RRP15: variants seen among roughly 807,000 people sequenced by gnomAD.
RRP15 encodes the protein RRP15-like protein.
A neutral mutation model predicts 27.1 loss-of-function variants in RRP15; 18 were observed. The observed-to-expected ratio is 0.66, with a 90% CI of 0.46 to 0.98. RRP15 has a LOEUF of 0.98. Ranked by LOEUF, RRP15 falls within the 50% of genes least tolerant of loss-of-function variation. The probability of loss-of-function intolerance (pLI) is 0.00; values close to 1 mark genes in which losing one functional copy is unlikely to be tolerated. For missense variants in RRP15, 359 were observed against 337.8 expected (o/e 1.06, Z -0.49); for synonymous variants, 107 against 109.4 (o/e 0.98, Z 0.14).
intron 4 of RRP15, among the ~76,000 whole-genome samples, chr1:218,311,468 G>A (rs552737620): frequency 1.3e-5 from 2 of 152,040 alleles, no homozygotes; most frequent in Non-Finnish European, 2.9e-5. Flanking sequence ...GTTATCACTT[G>A]CCTTTTTTTT....
At chr1:218,288,812 T>G (rs1392276676) in intron 1 of RRP15, among the ~76,000 whole-genome samples, 1 of 152,176 alleles carries the variant, frequency 6.6e-6, no homozygotes, top group Non-Finnish European at 1.5e-5. Flanking sequence ...CAAGGGACAT[T>G]TTTGTGTTCA....
chr1:218,335,740 A>C lies in RRP15; in HGVS notation c.*4649A>C, dbSNP rs1656437985. On this transcript the variant is annotated 3_prime_UTR_variant, in exon 5 of 5. Transcript: ENST00000366932. ...ATTTGGGAATTGTAAATCTGTCTTA[A>C]GCTTTTTCCATAAACTTTTATTGAT... 6.6e-6 allele frequency: 1 copy of C among 152,204 alleles called. No individual in the cohort carries two copies. Among genetic ancestry groups the C allele is most frequent in the African/African-American group, 2.4e-5 (1 of 41,452 alleles). The allele number at this position is 152,204 out of a possible 1,614,324, so 9.4% of individuals were successfully genotyped here.
At chr1:218,299,462 G>A (rs1261026764) in intron 1 of RRP15, among the ~76,000 whole-genome samples, 4 of 152,070 alleles carry the variant, frequency 2.6e-5, no homozygotes, top group African/African-American at 9.7e-5. Flanking sequence ...GTTTTGAAGT[G>A]GAGAATTGGT....
intron 4 of RRP15, among the ~76,000 whole-genome samples, chr1:218,310,462 A>G (rs1001404991): frequency 2.0e-5 from 3 of 152,200 alleles, no homozygotes; most frequent in African/African-American, 7.2e-5. Context: ...CTTATGTTCA[A>G]TAATCAAAAG....
intron 1 of RRP15, among the ~76,000 whole-genome samples, chr1:218,298,701 C>T (rs930720708): frequency 6.6e-6 from 1 of 152,118 alleles, no homozygotes; most frequent in Non-Finnish European, 1.5e-5. Context: ...ATATGGTAGC[C>T]TCTAGCCACA....
chr1:218,287,465 A>G (rs1382660534), intron 1 of RRP15, among the ~76,000 whole-genome samples: 1 of 152,136 alleles, frequency 6.6e-6, no homozygotes, highest in African/African-American at 2.4e-5. Context: ...AATTCAATGA[A>G]CACTTGTTGT....
chr1:218,301,613 A>G, intron 1 of RRP15: 1 of 151,884 alleles, frequency 6.6e-6, no homozygotes, highest in East Asian at 1.9e-4. Context: ...ACACTTACAC[A>G]TTTGTATCTT....
chr1:218,307,738 T>G (rs1655923365), intron 4 of RRP15, 106 bp downstream of exon 4: 2 of 776,978 alleles, frequency 2.6e-6, no homozygotes, highest in Admixed American at 5.8e-5. Context: ...GTTTTTTTCC[T>G]AAATTTTATT....
chr1:218,326,587 G>T (rs924364384), intron 4 of RRP15, among the ~76,000 whole-genome samples: 1 of 152,104 alleles, frequency 6.6e-6, no homozygotes. Context: ...TCACTGTAGG[G>T]TTCTCTGGGT....
At chr1:218,302,672 TTTTTTA>T in intron 2 of RRP15, 113 bp downstream of exon 2, 2 of 1,473,008 alleles carry the variant, frequency 1.4e-6, no homozygotes, top group East Asian at 4.6e-5. Context: ...TTTTAACTTG[TTTTTTA>T]TGTGAAGGTG....
intron 1 of RRP15, among the ~76,000 whole-genome samples, chr1:218,289,990 A>C (rs867034648): frequency 6.6e-6 from 1 of 152,040 alleles, no homozygotes; most frequent in Non-Finnish European, 1.5e-5. Context: ...CCTTGCCTGC[A>C]TCTCTTTTGT....
chr1:218,330,463 A>T (rs1489170186), intron 4 of RRP15, among the ~76,000 whole-genome samples: 2 of 152,206 alleles, frequency 1.3e-5, no homozygotes, highest in Non-Finnish European at 2.9e-5. Flanking sequence ...ATGGCATCTT[A>T]AAAAACCTAG....
At chr1:218,300,746 C>G (rs560160411) in intron 1 of RRP15, among the ~76,000 whole-genome samples, 10 of 152,312 alleles carry the variant, frequency 6.6e-5, no homozygotes, top group African/African-American at 2.2e-4. Context: ...CAACAAGACT[C>G]AATCAATAGA....
chr1:218,286,673 T>G (rs1655553896), intron 1 of RRP15, among the ~76,000 whole-genome samples: 1 of 152,232 alleles, frequency 6.6e-6, no homozygotes, highest in Non-Finnish European at 1.5e-5. Context: ...TCCTATTGCC[T>G]TGTGGGTCCT....
At chr1:218,286,843 TTCTGA>T (rs1438991518) in intron 1 of RRP15, among the ~76,000 whole-genome samples, 31 of 152,344 alleles carry the variant, frequency 2.0e-4, no homozygotes, top group Admixed American at 1.2e-3. Context: ...GAACTTCTGG[TTCTGA>T]TATTTTTTAA....
At chr1:218,315,650 AC>A (rs1204553035) in intron 4 of RRP15, among the ~76,000 whole-genome samples, 2 of 144,928 alleles carry the variant, frequency 1.4e-5, no homozygotes, top group African/African-American at 5.2e-5. Context: ...ATGGGGTTTT[AC>A]CATGTTGGCC....
At chr1:218,313,608 C>T (rs556048513) in intron 4 of RRP15, among the ~76,000 whole-genome samples, 1 of 152,234 alleles carries the variant, frequency 6.6e-6, no homozygotes, top group Middle Eastern at 3.4e-3. Context: ...GTGGCAGAAG[C>T]ATTTGGTTAG....
intron 1 of RRP15, among the ~76,000 whole-genome samples, chr1:218,300,974 C>T (rs548102869): frequency 1.8e-4 from 27 of 152,192 alleles, no homozygotes; most frequent in Admixed American, 1.0e-3. Context: ...TGGCCTTTTT[C>T]TTCTAGTGTT....
At chr1:218,299,356 G>A (rs917895902) in intron 1 of RRP15, among the ~76,000 whole-genome samples, 2 of 151,980 alleles carry the variant, frequency 1.3e-5, no homozygotes, top group African/African-American at 4.8e-5. Context: ...GTATAAAATG[G>A]TGCTATAAAC....
Sources: allele counts gnomAD v4.1 joint callset (sites outside exome capture counted in the v4.1 genomes callset), GRCh38; gene constraint gnomAD v4.1.1; transcripts MANE v1.5; gene names NCBI Gene and HGNC (gene_info 2026-07-23, HGNC 2026-07-21).